CAMSAP1: variants seen among roughly 807,000 people sequenced by gnomAD.
The protein encoded by CAMSAP1 is calmodulin regulated spectrin associated protein 1, also known as calmodulin-regulated spectrin-associated protein 1.
In CAMSAP1, 58 loss-of-function variants were observed where a neutral mutation model predicts 143.5. The ratio of observed to expected loss-of-function variants is 0.40; its 90% CI spans 0.33 to 0.50. The LOEUF (loss-of-function observed/expected upper bound fraction) is 0.50, where lower values mean the gene tolerates loss of function less well. Among genes scored for constraint, CAMSAP1 ranks in the 20% least tolerant of loss-of-function variants. The probability of loss-of-function intolerance (pLI) is 0.45; values close to 1 mark genes in which losing one functional copy is unlikely to be tolerated. For missense variants in CAMSAP1, 1,969 were observed against 2,115.7 expected, an observed-to-expected ratio of 0.93 and a Z score of 1.36; for synonymous variants, 945 against 859.3, an observed-to-expected ratio of 1.10 and a Z score of -1.74.
chr9:135,835,298 G>A (rs562833833), intron 7 of CAMSAP1, among the ~76,000 whole-genome samples: 1 of 152,268 alleles, frequency 6.6e-6, no homozygotes, highest in East Asian at 1.9e-4. Context: ...ACCCACAGCA[G>A]CACCAGGCAG....
chr9:135,809,616 G>C lies in CAMSAP1; in HGVS notation c.*1693C>G, dbSNP rs1834968917. 1 of 152,582 alleles carries C rather than the reference G, an allele frequency of 6.6e-6. No individual in the cohort carries two copies. Among genetic ancestry groups the C allele is most frequent in the African/African-American group, 2.4e-5 (1 of 41,442 alleles). 9.5% of individuals were successfully genotyped at this position (152,582 alleles called of 1,614,324 possible). A position where few individuals can be genotyped will look rare whatever the true frequency, so the allele number is the denominator to read the frequency against. Reference sequence around the variant, plus strand: ...TAGTTCATCACTTTATTACATCTTAGTGCTTTCTTAAAATAAATACAGTAA... The same window carrying C: ...TAGTTCATCACTTTATTACATCTTACTGCTTTCTTAAAATAAATACAGTAA... On this transcript the variant is annotated 3_prime_UTR_variant, in exon 17 of 17. Coordinates refer to ENST00000389532, the MANE Select transcript of CAMSAP1 (RefSeq NM_015447.4).
At position 135,882,843 on chromosome 9, in the gene CAMSAP1, G is replaced by T; in HGVS notation, c.396C>A (p.Ser132=). The stretch of plus-strand genomic sequence containing the variant: ...TTTTTATGGGTGCGCGACTGAGGTC[G>T]GACTCTGTCACGGGGGTGTCATCAC... ...MESDDTPVTE[S]DLSRAPIKMS... The change falls in exon 2 of 17, where the codon TCC becomes TCA. Residue 132 remains serine, a synonymous_variant. Transcript: ENST00000389532. This position sits in a 1 kb window ranked among gnomAD's most constrained non-coding sequence, Gnocchi z 4.9. 6.4e-7 allele frequency: 1 copy of T among 1,551,220 alleles called. No homozygotes were observed. The highest frequency in any genetic ancestry group is 1.4e-5 in the African/African-American group (1 of 73,146).
intron 16 of CAMSAP1, among the ~76,000 whole-genome samples, chr9:135,813,468 T>C (rs1207323171): frequency 1.3e-5 from 2 of 152,252 alleles, no homozygotes; most frequent in African/African-American, 4.8e-5. Context: ...ACTCACTGTG[T>C]TTAAATATGA....
intron 7 of CAMSAP1, among the ~76,000 whole-genome samples, chr9:135,834,781 G>A (rs1468314525): frequency 6.6e-6 from 1 of 152,180 alleles, no homozygotes; most frequent in Non-Finnish European, 1.5e-5. Context: ...CACATACAAA[G>A]GTAGCGATGT....
intron 3 of CAMSAP1, among the ~76,000 whole-genome samples, chr9:135,871,909 C>G (rs1340281950): frequency 6.6e-6 from 1 of 152,066 alleles, no homozygotes; most frequent in Non-Finnish European, 1.5e-5. Flanking sequence ...TCGAGACCAG[C>G]CTAAGCAACA....
chr9:135,866,330 G>A, intron 4 of CAMSAP1, 126 bp downstream of exon 4: 2 of 621,234 alleles, frequency 3.2e-6, no homozygotes, highest in Non-Finnish European at 5.9e-6. Context: ...GTGAATCCAA[G>A]AGACTAGCTG....
At chr9:135,877,650 A>G (rs540389187) in intron 3 of CAMSAP1, among the ~76,000 whole-genome samples, 14 of 152,228 alleles carry the variant, frequency 9.2e-5, no homozygotes, top group African/African-American at 3.4e-4. Flanking sequence ...TAATTAAAAA[A>G]AATTTTTTTT....
In CAMSAP1 at chr9:135,821,858, A is replaced by G. The variant is rs1423610542; in HGVS notation, c.2803T>C (p.Phe935Leu). Residue 935 changes from phenylalanine (F) to leucine (L), a missense_variant, in exon 11 of 17, where the codon TTT becomes CTT. Phe to Leu is a conservative substitution (Grantham distance 22, BLOSUM62 0). Around this residue, in one of 4 missense-constraint regions of CAMSAP1, gnomAD observed 1,390 missense variants for 1,420.8 expected, o/e 0.98. Coordinates refer to ENST00000389532, the MANE Select transcript of CAMSAP1 (RefSeq NM_015447.4). The surrounding 1 kb of genome is among the most constrained non-coding windows in gnomAD (Gnocchi z 4.6). The stretch of plus-strand genomic sequence containing the variant: ...TTGTGCTGAGAGTACTCCTTTGCAA[A>G]GTGCTCCGGCCTGAGGGGTGGGGCA... ...EAAPPLRPEH[F>L]AKEYSQHNGE... 6.2e-7 allele frequency: 1 copy of G among 1,613,992 alleles called. No homozygotes were observed. Among genetic ancestry groups the G allele is most frequent in the African/African-American group, 1.3e-5 (1 of 75,054 alleles).
intron 5 of CAMSAP1, among the ~76,000 whole-genome samples, chr9:135,860,581 G>C (rs1332668297): frequency 1.6e-5 from 2 of 122,524 alleles, no homozygotes; most frequent in Admixed American, 2.1e-4. Flanking sequence ...CTGGGTGACA[G>C]AGCAAGACTC....
intron 1 of CAMSAP1, among the ~76,000 whole-genome samples, chr9:135,897,058 A>C (rs1165835772): frequency 1.3e-5 from 2 of 152,186 alleles, no homozygotes; most frequent in Non-Finnish European, 2.9e-5. Flanking sequence ...TCAAAAGTAC[A>C]GCAGTCCCCT....
intron 16 of CAMSAP1, 35 bp downstream of exon 16, chr9:135,815,062 C>G: frequency 7.1e-7 from 1 of 1,414,646 alleles, no homozygotes; most frequent in Non-Finnish European, 9.9e-7. Flanking sequence ...ACTTTTTATT[C>G]CACATAAAAA....
intron 7 of CAMSAP1, among the ~76,000 whole-genome samples, chr9:135,833,378 G>C (rs1366200197): frequency 1.3e-5 from 2 of 152,150 alleles, no homozygotes; most frequent in Admixed American, 6.5e-5. Context: ...ACCGCGCCCG[G>C]CCAGTAATCT....
At chr9:135,852,238 A>C (rs1337115047) in intron 5 of CAMSAP1, among the ~76,000 whole-genome samples, 1 of 152,172 alleles carries the variant, frequency 6.6e-6, no homozygotes, top group East Asian at 1.9e-4. Flanking sequence ...AAAGGACTGG[A>C]TGACAGTCCT....
chr9:135,870,394 G>A (rs1837530617), intron 3 of CAMSAP1, among the ~76,000 whole-genome samples: 1 of 152,142 alleles, frequency 6.6e-6, no homozygotes, highest in African/African-American at 2.4e-5. Flanking sequence ...CAGCCATGTG[G>A]AACTGAGTCA....
chr9:135,866,259 G>T, intron 4 of CAMSAP1, 197 bp downstream of exon 4: 1 of 543,966 alleles, frequency 1.8e-6, no homozygotes, highest in African/African-American at 1.9e-5. Flanking sequence ...CCCTTCCCAG[G>T]AGAGGCGGGG....
chr9:135,898,553 T>C (rs1838523864), intron 1 of CAMSAP1, among the ~76,000 whole-genome samples: 1 of 152,206 alleles, frequency 6.6e-6, no homozygotes. Context: ...TTAATTTTTT[T>C]ACATTAGCCA....
Position 135,882,829 on chromosome 9 carries a change from G to A in CAMSAP1, c.410C>T (p.Ala137Val), listed in dbSNP as rs1838004290. 2 of 1,550,686 alleles carry A rather than the reference G, an allele frequency of 1.3e-6. No homozygotes were observed. Among genetic ancestry groups the A allele is most frequent in the East Asian group, 4.9e-5 (2 of 40,908 alleles). ...TPVTESDLSR[A>V]PIKMSAHMAM... The stretch of plus-strand genomic sequence containing the variant: ...CAGACCACTCACCATTTTTATGGGT[G>A]CGCGACTGAGGTCGGACTCTGTCAC... Residue 137 changes from alanine to valine, a missense_variant, in exon 2 of 17, where the codon GCA becomes GTA. Ala to Val is a moderately conservative substitution (Grantham distance 64). Around this residue, in one of 4 missense-constraint regions of CAMSAP1, gnomAD observed 215 missense variants for 196.2 expected, o/e 1.10. Transcript: ENST00000389532. The surrounding 1 kb of genome is among the most constrained non-coding windows in gnomAD (Gnocchi z 4.9).
chr9:135,849,094 C>T (rs530741939), intron 7 of CAMSAP1, among the ~76,000 whole-genome samples: 5 of 152,334 alleles, frequency 3.3e-5, no homozygotes, highest in East Asian at 3.9e-4. Context: ...ATAAACCCAT[C>T]GTAAACTGAA....
chr9:135,854,319 T>C (rs997245142), intron 5 of CAMSAP1, among the ~76,000 whole-genome samples: 3 of 152,266 alleles, frequency 2.0e-5, no homozygotes, highest in Non-Finnish European at 4.4e-5. Flanking sequence ...AGTATTTTTA[T>C]TTCAGTAGCT....
Sources: allele counts gnomAD v4.1 joint callset (sites outside exome capture counted in the v4.1 genomes callset), GRCh38; gene constraint gnomAD v4.1.1; regional missense constraint gnomAD v4.1.1; non-coding constraint Gnocchi (gnomAD v3.1); transcripts MANE v1.5; gene names NCBI Gene and HGNC (gene_info 2026-07-23, HGNC 2026-07-21).